Variants in RSRP1 observed in about 807,000 individuals in gnomAD.
RSRP1 encodes arginine and serine rich protein 1, also known as arginine/serine-rich protein 1.
A neutral mutation model predicts 33.0 loss-of-function variants in RSRP1; 37 were observed. The ratio of observed to expected loss-of-function variants is 1.12; its 90% CI spans 0.86 to 1.48. The LOEUF is 1.48. Ranked by LOEUF, RSRP1 falls within the 40% of genes most tolerant of loss-of-function variation. The pLI is 0.00. For missense variants in RSRP1, 402 were observed against 385.3 expected (o/e 1.04, Z -0.36); for synonymous variants, 167 against 158.7 (o/e 1.05, Z -0.40).
intron 1 of RSRP1, chr1:25,301,500 C>T (rs1643381930): frequency 1.5e-6 from 2 of 1,376,832 alleles, no homozygotes; most frequent in Non-Finnish European, 2.0e-6. Context: ...TTCTGGCCAA[C>T]CACCCTCTCT....
At chr1:25,262,560 A>G (rs1640192645) in intron 1 of RSRP1, among the ~76,000 whole-genome samples, 1 of 152,222 alleles carries the variant, frequency 6.6e-6, no homozygotes, top group Non-Finnish European at 1.5e-5. Flanking sequence ...GAGGCTGAGA[A>G]GTCCCACAGC....
rs1557548421 is a variant in RSRP1 at position 25,306,564 on chromosome 1, GC to G, written c.-67+31413del. The G allele has an allele frequency of 3.6e-6, 5 of 1,373,982 alleles. 1 individual carries two copies. The highest frequency in any genetic ancestry group is 5.1e-6 in the Non-Finnish European group (5 of 975,468). The allele number at this position is 1,373,982 out of a possible 1,614,324, so 85.1% of individuals were successfully genotyped here. On this transcript the variant is annotated intron_variant, in intron 1 of 1. Transcript: ENST00000561867. ...TGGGTAGGGAATATGGGTCTCACCT[GC>G]CAATCTGCTTATAATAACACTTGTC...
intron 1 of RSRP1, among the ~76,000 whole-genome samples, chr1:25,278,591 G>T (rs2124601005): frequency 7.6e-6 from 1 of 130,944 alleles, no homozygotes; most frequent in South Asian, 2.3e-4. Context: ...TGATTCACTG[G>T]GGGCCATTAC....
rs1643211817 is a variant in RSRP1 at position 25,299,456 on chromosome 1, T to G, written c.-67+38522A>C. ...TTGGCTTTAGAATTCTTAGACACCC[T>G]CTACAGACAAGGCACCCCGATTGCT... On this transcript the variant is annotated intron_variant, in intron 1 of 1. Transcript: ENST00000561867. Among the ~76,000 whole-genome samples the G allele has an allele frequency of 1.5e-5, 2 of 130,750 alleles. 1 individual carries two copies. Among genetic ancestry groups the G allele is most frequent in the Non-Finnish European group, 3.6e-5 (2 of 55,410 alleles). The allele number at this position is 130,750 out of a possible 152,430, so 85.8% of individuals were successfully genotyped here.
intron 1 of RSRP1, among the ~76,000 whole-genome samples, chr1:25,291,139 G>A (rs891491404): frequency 7.8e-6 from 1 of 127,416 alleles, no homozygotes; most frequent in African/African-American, 2.8e-5. Flanking sequence ...TAAATAGGTA[G>A]GTGGATAGAC....
chr1:25,284,625 G>A lies in RSRP1; in HGVS notation c.-66-37596C>T, dbSNP rs41302032. ...CCATTGGCTTGGGCTTCCTCACCTC[G>A]AGTTTCCGGAGACACAGCTGGAGCA... On this transcript the variant is annotated intron_variant, in intron 1 of 1. Transcript: ENST00000561867. The A allele has an allele frequency of 4.0e-5, 56 of 1,388,814 alleles. 8 individuals carry two copies. Among genetic ancestry groups the A allele is most frequent in the Middle Eastern group, 3.6e-4 (2 of 5,542 alleles). The allele number at this position is 1,388,814 out of a possible 1,614,324, so 86.0% of individuals were successfully genotyped here. A position where few individuals can be genotyped will look rare whatever the true frequency, so the allele number is the denominator to read the frequency against.
chr1:25,278,287 G>A (rs1355862385), intron 1 of RSRP1, among the ~76,000 whole-genome samples: 1 of 130,518 alleles, frequency 7.7e-6, no homozygotes, highest in African/African-American at 2.6e-5. Context: ...GGGACAGGTT[G>A]TGAGGATGAA....
rs1281140072 is a variant in RSRP1 at position 25,274,462 on chromosome 1, C to T, written c.-66-27433G>A. On this transcript the variant is annotated intron_variant, in intron 1 of 1. Coordinates refer to the RSRP1 transcript ENST00000561867. ...CTTTACCCCTGCACCGTGCTACTAA[C>T]GTAGGTACAAAATGTCCTCAGAAAC... Among the ~76,000 whole-genome samples the T allele has an allele frequency of 6.0e-5, 8 of 132,272 alleles. 1 individual carries two copies. Among genetic ancestry groups the T allele is most frequent in the Admixed American group, 3.7e-4 (5 of 13,560 alleles). The allele number at this position is 132,272 out of a possible 152,430, so 86.8% of individuals were successfully genotyped here. A position where few individuals can be genotyped will look rare whatever the true frequency, so the allele number is the denominator to read the frequency against.
At chr1:25,244,995 T>G in intron 3 of RSRP1, 155 bp downstream of exon 3, 1 of 1,525,674 alleles carries the variant, frequency 6.6e-7, no homozygotes, top group Non-Finnish European at 8.8e-7. Context: ...TTTCATGGGT[T>G]TGACATTGCC....
chr1:25,316,148 GC>G (rs1334599566), intron 1 of RSRP1, among the ~76,000 whole-genome samples: 1 of 130,934 alleles, frequency 7.6e-6, no homozygotes, highest in Non-Finnish European at 1.8e-5. Flanking sequence ...GCATCCAAGG[GC>G]CCCCGTAATA....
At chr1:25,261,482 G>A (rs932298515) in intron 1 of RSRP1, among the ~76,000 whole-genome samples, 7 of 150,214 alleles carry the variant, frequency 4.7e-5, no homozygotes, top group South Asian at 4.2e-4. Flanking sequence ...TCGGCTCACT[G>A]CAATCTCCGC....
At chr1:25,263,825 C>T (rs1454508554) in intron 1 of RSRP1, among the ~76,000 whole-genome samples, 2 of 152,012 alleles carry the variant, frequency 1.3e-5, no homozygotes, top group Non-Finnish European at 2.9e-5. Context: ...CTATAAAATC[C>T]AAAGCAAGTT....
chr1:25,251,839 C>T (rs760062836), upstream of RSRP1, among the ~76,000 whole-genome samples: 10 of 151,906 alleles, frequency 6.6e-5, no homozygotes, highest in Non-Finnish European at 1.2e-4. Context: ...AACAGTTTAA[C>T]GAGTGCCCTT....
At chr1:25,287,373 G>C (rs1249269054) in intron 1 of RSRP1, among the ~76,000 whole-genome samples, 5 of 135,438 alleles carry the variant, frequency 3.7e-5, no homozygotes, top group Non-Finnish European at 8.8e-5. Context: ...CGAGAAGGGA[G>C]AGAAGTCACT....
chr1:25,318,067 A>G (rs1644500324), intron 1 of RSRP1: 1 of 131,230 alleles, frequency 7.6e-6, no homozygotes, highest in Admixed American at 7.5e-5. Context: ...TCATACCTGT[A>G]ATTGCAGCAG....
At chr1:25,336,712 C>A (rs1405369766) in intron 1 of RSRP1, among the ~76,000 whole-genome samples, 1 of 150,850 alleles carries the variant, frequency 6.6e-6, no homozygotes, top group Non-Finnish European at 1.5e-5. Context: ...AGCTGGTAAA[C>A]TAATGTTAAG....
At chr1:25,260,816 GAGAC>G (rs955581929) in intron 1 of RSRP1, among the ~76,000 whole-genome samples, 7 of 91,398 alleles carry the variant, frequency 7.7e-5, no homozygotes, top group African/African-American at 2.9e-4. Flanking sequence ...TTTTTTTTTT[GAGAC>G]AGAGTCTCGC....
chr1:25,305,191 G>A (rs1643704432), intron 1 of RSRP1, among the ~76,000 whole-genome samples: 1 of 130,030 alleles, frequency 7.7e-6, no homozygotes, highest in Admixed American at 7.5e-5. Flanking sequence ...GCAGAGACAT[G>A]GGGAATGTAT....
At chr1:25,289,550 G>A (rs909073391) in intron 1 of RSRP1, among the ~76,000 whole-genome samples, 2 of 129,904 alleles carry the variant, frequency 1.5e-5, no homozygotes, top group African/African-American at 5.3e-5. Context: ...TTTACAAAAT[G>A]CTCTTATAAT....
Sources: allele counts gnomAD v4.1 joint callset (sites outside exome capture counted in the v4.1 genomes callset), GRCh38; gene constraint gnomAD v4.1.1; transcripts MANE v1.5; gene names NCBI Gene and HGNC (gene_info 2026-07-23, HGNC 2026-07-21).